Variants in HIRA observed in about 807,000 individuals in gnomAD.
The protein encoded by HIRA is histone cell cycle regulator.
In HIRA, 13 loss-of-function variants were observed where a neutral mutation model predicts 126.6. The observed-to-expected ratio is 0.10, with a 90% CI of 0.07 to 0.16. The LOEUF (loss-of-function observed/expected upper bound fraction) is 0.16, where lower values mean the gene tolerates loss of function less well. Among genes scored for constraint, HIRA ranks in the 10% least tolerant of loss-of-function variants. HIRA has a pLI of 1.00. For missense variants in HIRA, 834 were observed against 1,314.4 expected (o/e 0.63, Z 5.65); for synonymous variants, 511 against 520.0 (o/e 0.98, Z 0.24).
At chr22:19,408,753 A>G (rs1601851566) in intron 2 of HIRA, among the ~76,000 whole-genome samples, 160 bp from the exon 3 acceptor site, 1 of 152,366 alleles carries the variant, frequency 6.6e-6, no homozygotes, top group African/African-American at 2.4e-5. Context: ...TTTAAGTTAC[A>G]GAAAAGATGA....
intron 15 of HIRA, among the ~76,000 whole-genome samples, chr22:19,371,146 T>C: frequency 6.6e-6 from 1 of 152,214 alleles, no homozygotes; most frequent in Middle Eastern, 3.2e-3. Context: ...TTTATTTATT[T>C]TGTTCAGAAC....
chr22:19,421,314 A>T (rs886330058), intron 1 of HIRA, among the ~76,000 whole-genome samples: 1 of 152,104 alleles, frequency 6.6e-6, no homozygotes, highest in African/African-American at 2.4e-5. Flanking sequence ...AAAAAAAAAA[A>T]AATGCACAGC....
intron 9 of HIRA, among the ~76,000 whole-genome samples, chr22:19,389,514 G>A (rs1180538059): frequency 6.6e-6 from 1 of 152,138 alleles, no homozygotes; most frequent in Non-Finnish European, 1.5e-5. Flanking sequence ...ACTGCTATGT[G>A]GGGAAGGAGA....
chr22:19,363,722 A>G (rs564346744), intron 15 of HIRA, among the ~76,000 whole-genome samples: 3 of 152,232 alleles, frequency 2.0e-5, no homozygotes, highest in Admixed American at 2.0e-4. Flanking sequence ...ACATGGTGAG[A>G]CCCCATCTCT....
At chr22:19,337,291 G>A (rs1410514231) in intron 24 of HIRA, among the ~76,000 whole-genome samples, 8 of 150,464 alleles carry the variant, frequency 5.3e-5, no homozygotes, top group Non-Finnish European at 8.9e-5. Context: ...CAGAGAAATC[G>A]GTATCATAAA....
rs117784405 is a variant in HIRA at position 19,406,474 on chromosome 22, T to C, written c.303-594A>G. ...CCCCACCACAGGAGCCAGAGGAGCA[T>C]CAATCACCTGGGGCCTGGTGGAGGC... On this transcript the variant is annotated intron_variant, in intron 4 of 24. Coordinates refer to ENST00000263208, the MANE Select transcript of HIRA (RefSeq NM_003325.4). 3.4e-3 allele frequency among the ~76,000 whole-genome samples: 514 copies of C among 152,270 alleles called. 20 individuals carry two copies. In the East Asian group the frequency reaches 0.068, roughly 20 times the overall value.
chr22:19,371,623 A>C (rs532963278), intron 15 of HIRA, among the ~76,000 whole-genome samples: 1 of 116,102 alleles, frequency 8.6e-6, no homozygotes, highest in South Asian at 3.0e-4. Flanking sequence ...ATTGGTACTC[A>C]CTCCTTATCC....
At chr22:19,403,113 A>AAAAAAG (rs1262398562) in intron 5 of HIRA, among the ~76,000 whole-genome samples, 2 of 151,800 alleles carry the variant, frequency 1.3e-5, no homozygotes, top group East Asian at 1.9e-4. Context: ...AAAAAAAAAA[A>AAAAAAG]AAAAAGAAAA....
intron 15 of HIRA, among the ~76,000 whole-genome samples, chr22:19,373,937 T>TTTTTTTTTTTTTTTTGAGACGGA (rs71186604): frequency 2.0e-5 from 3 of 151,408 alleles, no homozygotes; most frequent in South Asian, 2.1e-4. Context: ...CTGGCTTTTT[T>TTTTTTTTTTTTTTTTGAGACGGA]GTTCACTCTT....
At chr22:19,340,477 C>T (rs995610470) in intron 24 of HIRA, among the ~76,000 whole-genome samples, 1 of 152,120 alleles carries the variant, frequency 6.6e-6, no homozygotes, top group Admixed American at 6.6e-5. Context: ...TGCCCACTGT[C>T]ACCACTGCTA....
chr22:19,407,126 A>G (rs1450742965), intron 4 of HIRA, 58 bp downstream of exon 4: 4 of 1,401,860 alleles, frequency 2.9e-6, no homozygotes, highest in Non-Finnish European at 3.0e-6. Context: ...TGACTTTGAT[A>G]AAGACCAGCA....
rs545801283 is a variant in HIRA, at chr22:19,410,644, T to C, written c.100+72A>G. ...AAATAGCAAGTATTCCCTCTACAGC[T>C]AAATGGACAGCAGGAGAAGAGCAAG... is the stretch of plus-strand genomic sequence containing the variant. On this transcript the variant is annotated intron_variant, in intron 2 of 24. Transcript: ENST00000263208. The C allele has an allele frequency of 1.4e-4, 158 of 1,100,976 alleles. 1 individual carries two copies. In the South Asian group the frequency reaches 1.9e-3, roughly 13 times the overall value. The allele number at this position is 1,100,976 out of a possible 1,614,324, so 68.2% of individuals were successfully genotyped here. A position where few individuals can be genotyped will look rare whatever the true frequency, so the allele number is the denominator to read the frequency against.
chr22:19,391,423 G>A (rs1319768291), intron 9 of HIRA, among the ~76,000 whole-genome samples: 2 of 151,950 alleles, frequency 1.3e-5, no homozygotes, highest in Non-Finnish European at 2.9e-5. Flanking sequence ...AAACATGTAT[G>A]ACAACTCACC....
Position 19,334,964 on chromosome 22 carries a change from T to C in HIRA, c.2938-3408A>G, listed in dbSNP as rs2088547523. On this transcript the variant is annotated intron_variant, in intron 24 of 24. Coordinates refer to ENST00000263208, the MANE Select transcript of HIRA (RefSeq NM_003325.4). ...TTTGTTAGTTTTTTAGCTACGATTC[T>C]TTTTACTGCTTTGGGATTTGTATGT... Among the ~76,000 whole-genome samples, 2 of 152,190 alleles carry C rather than the reference T, an allele frequency of 1.3e-5. 1 individual carries two copies. Among genetic ancestry groups the C allele is most frequent in the South Asian group, 4.1e-4 (2 of 4,828 alleles).
At chr22:19,383,156 A>G (rs966222327) in intron 13 of HIRA, among the ~76,000 whole-genome samples, 2 of 152,210 alleles carry the variant, frequency 1.3e-5, no homozygotes, top group African/African-American at 4.8e-5. Flanking sequence ...GGGAAAAAAA[A>G]GACTGGAAAT....
At chr22:19,389,221 T>G (rs1158155491) in intron 9 of HIRA, among the ~76,000 whole-genome samples, 2 of 152,228 alleles carry the variant, frequency 1.3e-5, no homozygotes, top group East Asian at 3.8e-4. Context: ...AGTATGTCAT[T>G]AAATATCCTG....
chr22:19,351,517 A>C lies in HIRA; in HGVS notation c.2849-71T>G. On this transcript the variant is annotated intron_variant, in intron 23 of 24. Transcript: ENST00000263208. This position sits in a 1 kb window ranked among gnomAD's most constrained non-coding sequence, Gnocchi z 4.8. The stretch of plus-strand genomic sequence containing the variant: ...AGAAATAGGAACACATTACAAAAAG[A>C]AATAAAATCAAGAATATGTTGTTGT... 4 of 1,140,226 alleles carry C rather than the reference A, an allele frequency of 3.5e-6. No homozygotes were observed. Among genetic ancestry groups the C allele is most frequent in the Non-Finnish European group, 5.2e-6 (4 of 765,908 alleles). 70.6% of individuals were successfully genotyped at this position (1,140,226 alleles called of 1,614,324 possible).
At chr22:19,347,915 G>T (rs1378471411) in intron 24 of HIRA, among the ~76,000 whole-genome samples, 2 of 152,184 alleles carry the variant, frequency 1.3e-5, no homozygotes, top group Non-Finnish European at 2.9e-5. Context: ...CTCCAGCCCG[G>T]GTGACAGAGC....
intron 5 of HIRA, 112 bp from the exon 6 acceptor site, chr22:19,398,199 T>C: frequency 1.4e-6 from 1 of 729,154 alleles, no homozygotes; most frequent in South Asian, 1.8e-5. Context: ...CTGGTATTTT[T>C]TAACCAACCT....
Sources: allele counts gnomAD v4.1 joint callset (sites outside exome capture counted in the v4.1 genomes callset), GRCh38; gene constraint gnomAD v4.1.1; non-coding constraint Gnocchi (gnomAD v3.1); transcripts MANE v1.5; gene names NCBI Gene and HGNC (gene_info 2026-07-23, HGNC 2026-07-21).